The following OSBPL1A variants were observed in gnomAD, a reference collection of about 807,000 sequenced individuals.
The protein encoded by OSBPL1A is oxysterol binding protein like 1A.
Under a neutral mutation model 137.1 loss-of-function variants are expected in OSBPL1A, and 80 were observed. That is an observed-to-expected ratio of 0.58 (90% confidence interval 0.49 to 0.70). The LOEUF is 0.70. OSBPL1A is among the 30% of genes least tolerant of loss of function. OSBPL1A has a pLI of 0.00. For synonymous variants in OSBPL1A, 365 were observed against 389.7 expected (o/e 0.94, Z 0.75); for missense variants, 970 against 1,129.4 (o/e 0.86, Z 2.02).
chr18:24,182,486 G>A (rs147941511), intron 18 of OSBPL1A, among the ~76,000 whole-genome samples: 4 of 152,308 alleles, frequency 2.6e-5, no homozygotes, highest in South Asian at 4.1e-4. Context: ...GAGGTGCGTA[G>A]TCAGGCTGAA....
chr18:24,297,615 G>A (rs528527196), intron 14 of OSBPL1A, among the ~76,000 whole-genome samples: 2 of 152,252 alleles, frequency 1.3e-5, no homozygotes, highest in East Asian at 3.9e-4. Flanking sequence ...TCATTTCAAA[G>A]AAGTTTTTAA....
intron 4 of OSBPL1A, among the ~76,000 whole-genome samples, chr18:24,361,996 C>CAAAAAAA (rs200189504): frequency 5.8e-5 from 3 of 52,148 alleles, no homozygotes; most frequent in Admixed American, 2.2e-4. Flanking sequence ...GACTCCATCT[C>CAAAAAAA]AAAAAAAAAA....
chr18:24,272,450 A>C (rs994546450), intron 15 of OSBPL1A, among the ~76,000 whole-genome samples: 4 of 152,040 alleles, frequency 2.6e-5, no homozygotes, highest in Non-Finnish European at 4.4e-5. Context: ...AACAAGGAAA[A>C]CAACGGTATT....
At chr18:24,204,487 A>G (rs12455245) in intron 17 of OSBPL1A, among the ~76,000 whole-genome samples, 28,189 of 151,538 alleles carry the variant, frequency 0.19, 3,285 homozygotes, top group Non-Finnish European at 0.24. Context: ...ACAAACAAGT[A>G]TGTCTCCTTT....
chr18:24,293,403 C>T (rs1041691663), intron 14 of OSBPL1A, among the ~76,000 whole-genome samples: 1 of 152,150 alleles, frequency 6.6e-6, no homozygotes, highest in African/African-American at 2.4e-5. Context: ...ACTTCCTCTC[C>T]CGTCCCTCCG....
intron 15 of OSBPL1A, among the ~76,000 whole-genome samples, chr18:24,258,122 T>G (rs1169718974): frequency 6.6e-6 from 1 of 152,170 alleles, no homozygotes; most frequent in Non-Finnish European, 1.5e-5. Flanking sequence ...GCTAGGTATA[T>G]TCCCAAAAAA....
rs567164367 is a variant in OSBPL1A at position 24,378,537 on chromosome 18, A to G, written c.-2-1002T>C. Among the ~76,000 whole-genome samples the G allele has an allele frequency of 1.4e-4, 21 of 152,354 alleles. No homozygotes were observed. In the South Asian group the frequency reaches 3.7e-3, roughly 27 times the overall value. On this transcript the variant is annotated intron_variant, in intron 1 of 27. Transcript: ENST00000319481. ...CCCCTCACTTTTGCTGTCATCTTAT[A>G]CAAGATTATTTTGAAACCATGCTTA...
chr18:24,376,428 C>G (rs1309423328), intron 2 of OSBPL1A, among the ~76,000 whole-genome samples: 5 of 152,236 alleles, frequency 3.3e-5, no homozygotes, highest in African/African-American at 9.6e-5. Context: ...GAGCTAGATA[C>G]AGAGTGCCGA....
At chr18:24,278,582 TA>T (rs2089894007) in intron 15 of OSBPL1A, among the ~76,000 whole-genome samples, 1 of 152,186 alleles carries the variant, frequency 6.6e-6, no homozygotes. Context: ...TTTAAGCAGA[TA>T]GTTTAAAAAT....
chr18:24,180,820 T>G (rs11660663), intron 19 of OSBPL1A, among the ~76,000 whole-genome samples: 75,307 of 151,852 alleles, frequency 0.5, 22,210 homozygotes, highest in Non-Finnish European at 0.66. Flanking sequence ...GAGCTTGCCG[T>G]GAGCCGAGAT....
intron 20 of OSBPL1A, among the ~76,000 whole-genome samples, chr18:24,178,583 GC>G (rs1296991104): frequency 5.9e-5 from 9 of 152,256 alleles, no homozygotes; most frequent in African/African-American, 1.9e-4. Flanking sequence ...GAGCCACCAT[GC>G]CCGGCCAACA....
At chr18:24,252,789 C>CATAAAAAGGAACAAAAGAAG (rs1479959430) in intron 15 of OSBPL1A, among the ~76,000 whole-genome samples, 15 of 151,900 alleles carry the variant, frequency 9.9e-5, no homozygotes, top group South Asian at 4.2e-4. Flanking sequence ...CAGTATAAGA[C>CATAAAAAGGAACAAAAGAAG]ATAAAAAGGA....
chr18:24,277,500 A>G (rs1005253136), intron 15 of OSBPL1A, among the ~76,000 whole-genome samples: 3 of 152,204 alleles, frequency 2.0e-5, no homozygotes, highest in East Asian at 1.9e-4. Flanking sequence ...TTTACTCTTT[A>G]AAACAATCCC....
At chr18:24,341,249 C>T (rs2091268759) in intron 5 of OSBPL1A, among the ~76,000 whole-genome samples, 1 of 152,174 alleles carries the variant, frequency 6.6e-6, no homozygotes, top group South Asian at 2.1e-4. Context: ...TCAAGTGATC[C>T]TCTTGCCTCA....
Position 24,271,911 on chromosome 18 carries a change from G to T in OSBPL1A, c.1281+8931C>A, listed in dbSNP as rs899243497. 10 of 984,088 alleles carry T rather than the reference G, an allele frequency of 1.0e-5. No homozygotes were observed. In the African/African-American group the frequency reaches 1.8e-4, roughly 17 times the overall value. The allele number at this position is 984,088 out of a possible 1,614,324, so 61.0% of individuals were successfully genotyped here. A position where few individuals can be genotyped will look rare whatever the true frequency, so the allele number is the denominator to read the frequency against. On this transcript the variant is annotated intron_variant, in intron 15 of 27. Transcript: ENST00000319481. The surrounding 1 kb of genome is among the most constrained non-coding windows in gnomAD (Gnocchi z 4.0). ...GCGCCGCGCCCGCCCGGGCCGCAGA[G>T]GTCTGCGCTGCCCCTCCGCCGCCGC...
At chr18:24,365,814 CT>C (rs1273867039) in intron 4 of OSBPL1A, among the ~76,000 whole-genome samples, 1 of 152,122 alleles carries the variant, frequency 6.6e-6, no homozygotes, top group Non-Finnish European at 1.5e-5. Context: ...TCAAATTATG[CT>C]TTTCCTCTGC....
intron 2 of OSBPL1A, among the ~76,000 whole-genome samples, chr18:24,371,595 CT>C (rs1175179115): frequency 6.6e-6 from 1 of 152,142 alleles, no homozygotes; most frequent in Non-Finnish European, 1.5e-5. Flanking sequence ...AGTAAGAACT[CT>C]GGTGTCTCCC....
chr18:24,162,987 T>C lies in OSBPL1A; in HGVS notation c.*192A>G, dbSNP rs970317867. On this transcript the variant is annotated 3_prime_UTR_variant, in exon 28 of 28. Coordinates refer to ENST00000319481, the MANE Select transcript of OSBPL1A (RefSeq NM_080597.4). The stretch of plus-strand genomic sequence containing the variant: ...ATAAGTACATTTTATAGCAAAATTA[T>C]GCATTTTTCCTAAGACTTTCATCAC... The C allele has an allele frequency of 2.2e-6, 1 of 450,892 alleles. No individual in the cohort carries two copies. Among genetic ancestry groups the C allele is most frequent in the Non-Finnish European group, 4.0e-6 (1 of 252,992 alleles). The allele number at this position is 450,892 out of a possible 1,614,324, so 27.9% of individuals were successfully genotyped here. A position where few individuals can be genotyped will look rare whatever the true frequency, so the allele number is the denominator to read the frequency against.
Position 24,299,828 on chromosome 18 carries a change from A to G in OSBPL1A, c.1174+3809T>C, listed in dbSNP as rs375382128. ...ATTAAAAGTTGGCATGTAAAATAACATATCTTTTTCGGCAATTTAACTATA... is the reference window on the plus strand; with the variant it reads ...ATTAAAAGTTGGCATGTAAAATAACGTATCTTTTTCGGCAATTTAACTATA... On this transcript the variant is annotated intron_variant, in intron 14 of 27. Coordinates refer to ENST00000319481, the MANE Select transcript of OSBPL1A (RefSeq NM_080597.4). 1.2e-4 allele frequency among the ~76,000 whole-genome samples: 18 copies of G among 152,336 alleles called. No homozygotes were observed. The East Asian group carries it at 2.1e-3, about 18-fold the overall frequency.
Sources: gnomAD v4.1 joint callset for allele counts (sites outside exome capture counted in the v4.1 genomes callset) on GRCh38, gnomAD v4.1.1 for gene constraint, Gnocchi (gnomAD v3.1) non-coding constraint, MANE v1.5 for transcripts, NCBI Gene and HGNC (gene_info 2026-07-23, HGNC 2026-07-21) for gene names.